PPIE: variants seen among roughly 807,000 people sequenced by gnomAD.
PPIE encodes peptidylprolyl isomerase E.
Under a neutral mutation model 38.4 loss-of-function variants are expected in PPIE, and 20 were observed. The ratio of observed to expected loss-of-function variants is 0.52; its 90% CI spans 0.37 to 0.76. The LOEUF (loss-of-function observed/expected upper bound fraction) is 0.76, where lower values mean the gene tolerates loss of function less well. PPIE is among the 30% of genes least tolerant of loss of function. The probability of loss-of-function intolerance (pLI) is 0.00; values close to 1 mark genes in which losing one functional copy is unlikely to be tolerated. For synonymous variants in PPIE, 142 were observed against 135.7 expected (o/e 1.05, Z -0.32); for missense variants, 322 against 385.8 (o/e 0.83, Z 1.39).
chr1:39,763,397 C>CCGGCCCTCCCCAGCCGGCCCTCCCCAGA (rs1294004126), intron 9 of PPIE, among the ~76,000 whole-genome samples: 1 of 145,096 alleles, frequency 6.9e-6, no homozygotes, highest in Non-Finnish European at 1.5e-5. Context: ...CCCTCCCCAG[C>CCGGCCCTCCCCAGCCGGCCCTCCCCAGA]CGGCCCTCCC....
chr1:39,760,463 G>T (rs138043926), downstream of PPIE: 4 of 1,614,054 alleles, frequency 2.5e-6, no homozygotes, highest in Non-Finnish European at 3.4e-6. Context: ...CGGTGCTTGC[G>T]CAGGATGACA....
intron 4 of PPIE, 77 bp downstream of exon 4, chr1:39,741,998 C>G (rs1647070332): frequency 2.0e-6 from 3 of 1,509,148 alleles, no homozygotes; most frequent in Non-Finnish European, 2.8e-6. Context: ...TATCAGTGTT[C>G]TGGACTTCCA....
intron 9 of PPIE, among the ~76,000 whole-genome samples, chr1:39,763,527 C>A (rs1313732617): frequency 2.8e-5 from 4 of 143,578 alleles, no homozygotes; most frequent in African/African-American, 5.3e-5. Context: ...TTAAAAAAAA[C>A]AAAAAACTGA....
Position 39,753,822 on chromosome 1 carries a change from C to T in PPIE, c.*467C>T. On this transcript the variant is annotated 3_prime_UTR_variant, in exon 10 of 10. Transcript: ENST00000324379. ...TCTTTTTCACAGCTTTCATTTCCTC[C>T]CTTGGGCCGATCCCCTTAGATGTCA... 2.0e-6 allele frequency: 2 copies of T among 993,218 alleles called. No individual in the cohort carries two copies. The highest frequency in any genetic ancestry group is 1.2e-6 in the Non-Finnish European group (1 of 834,832). The allele number at this position is 993,218 out of a possible 1,614,324, so 61.5% of individuals were successfully genotyped here. A position where few individuals can be genotyped will look rare whatever the true frequency, so the allele number is the denominator to read the frequency against.
intron 1 of PPIE, among the ~76,000 whole-genome samples, chr1:39,739,773 A>G (rs1470625731): frequency 6.6e-6 from 1 of 152,190 alleles, no homozygotes; most frequent in Admixed American, 6.5e-5. Context: ...AAAGCAAAAA[A>G]GCTGGAGAGG....
chr1:39,740,140 C>T (rs1348745724), intron 1 of PPIE, 25 bp from the exon 2 acceptor site: 1 of 1,596,650 alleles, frequency 6.3e-7, no homozygotes, highest in South Asian at 1.1e-5. Flanking sequence ...ATCAGTGGCT[C>T]AGAAGGCCCT....
At chr1:39,747,455 C>CTTTTTTTTTTTTTT (rs35755213) in intron 7 of PPIE, 1 of 72,972 alleles carries the variant, frequency 1.4e-5, no homozygotes, top group Non-Finnish European at 2.5e-5. Context: ...CACATCTTCT[C>CTTTTTTTTTTTTTT]TTTTTTTTTT....
intron 1 of PPIE, chr1:39,739,173 C>T: frequency 2.4e-6 from 1 of 415,038 alleles, no homozygotes; most frequent in Non-Finnish European, 4.2e-6. Flanking sequence ...TGCTTTGCTT[C>T]CCGATTCGCT....
At chr1:39,762,393 G>A in intron 9 of PPIE, 1 of 1,270,684 alleles carries the variant, frequency 7.9e-7, no homozygotes, top group Non-Finnish European at 1.1e-6. Flanking sequence ...GCAATACCAG[G>A]AACTGGGATT....
chr1:39,739,448 C>A (rs1376131363), intron 1 of PPIE, among the ~76,000 whole-genome samples: 1 of 135,758 alleles, frequency 7.4e-6, no homozygotes, highest in East Asian at 2.1e-4. Flanking sequence ...AGCCCCAGCC[C>A]CTGCCATAAA....
In PPIE at chr1:39,756,514, G is replaced by C; in HGVS notation, c.*3159G>C. Reference sequence around the variant, plus strand: ...AACAGCATGACAGCCGCCTCCAGGTGCTCCCAGCATCTGTTGCAGTCATGG... The same window carrying C: ...AACAGCATGACAGCCGCCTCCAGGTCCTCCCAGCATCTGTTGCAGTCATGG... On this transcript the variant is annotated 3_prime_UTR_variant, in exon 10 of 10. Transcript: ENST00000324379. 1 of 985,418 alleles carries C rather than the reference G, an allele frequency of 1.0e-6. No individual in the cohort carries two copies. Among genetic ancestry groups the C allele is most frequent in the Non-Finnish European group, 1.2e-6 (1 of 829,942 alleles). The allele number at this position is 985,418 out of a possible 1,614,324, so 61.0% of individuals were successfully genotyped here. A position where few individuals can be genotyped will look rare whatever the true frequency, so the allele number is the denominator to read the frequency against.
At chr1:39,744,017 A>G (rs536516426) in intron 6 of PPIE, 93 bp downstream of exon 6, 381 of 757,804 alleles carry the variant, frequency 5.0e-4, no homozygotes, top group East Asian at 4.0e-3. Flanking sequence ...GCCAATATGT[A>G]TATCAAAGTG....
At chr1:39,744,343 C>G (rs567217364) in intron 6 of PPIE, among the ~76,000 whole-genome samples, 3 of 152,194 alleles carry the variant, frequency 2.0e-5, no homozygotes, top group Non-Finnish European at 4.4e-5. Flanking sequence ...GTGTCCCTTC[C>G]TTCAACCTGT....
rs1255901065 is a variant in PPIE, at chr1:39,756,012, C to G, written c.*2657C>G. On this transcript the variant is annotated 3_prime_UTR_variant, in exon 10 of 10. Coordinates refer to ENST00000324379, the MANE Select transcript of PPIE (RefSeq NM_006112.4). ...CCTGGGGAGTGACACAGTCATGGTC[C>G]CCATGATTGGCCAGGACCTGTGTGG... The G allele has an allele frequency of 4.1e-6, 4 of 985,258 alleles. No individual in the cohort carries two copies. The highest frequency in any genetic ancestry group is 1.7e-5 in the African/African-American group (1 of 57,216). The allele number at this position is 985,258 out of a possible 1,614,324, so 61.0% of individuals were successfully genotyped here. A position where few individuals can be genotyped will look rare whatever the true frequency, so the allele number is the denominator to read the frequency against.
At chr1:39,741,642 A>G (rs1647060243) in intron 3 of PPIE, 2 of 623,950 alleles carry the variant, frequency 3.2e-6, no homozygotes, top group South Asian at 4.0e-5. Context: ...GAGCTAGCTC[A>G]TGCACCCCTG....
downstream of PPIE, chr1:39,760,404 G>A: frequency 6.2e-7 from 1 of 1,613,174 alleles, no homozygotes. Flanking sequence ...CTGCAGCTGG[G>A]CCGGGCGGGT....
At chr1:39,762,588 G>C (rs531476516) in intron 9 of PPIE, 1 of 1,549,372 alleles carries the variant, frequency 6.5e-7, no homozygotes, top group Non-Finnish European at 8.7e-7. Flanking sequence ...AGAGAAACTG[G>C]GGGAAAAGCC....
At position 39,755,957 on chromosome 1, in the gene PPIE, G is replaced by A. The variant is rs569205249; in HGVS notation, c.*2602G>A. 3 of 985,394 alleles carry A rather than the reference G, an allele frequency of 3.0e-6. No individual in the cohort carries two copies. Among genetic ancestry groups the A allele is most frequent in the East Asian group, 2.3e-4 (2 of 8,816 alleles). 61.0% of individuals were successfully genotyped at this position (985,394 alleles called of 1,614,324 possible). On this transcript the variant is annotated 3_prime_UTR_variant, in exon 10 of 10. Transcript: ENST00000324379. ...GTCCTGGGAGGTTTACTAGGCTTTA[G>A]CCTCAATCTGTGGCGGCAGGGTCCA... is the stretch of plus-strand genomic sequence containing the variant.
chr1:39,752,604 G>T (rs987116074), intron 8 of PPIE, among the ~76,000 whole-genome samples: 1 of 152,184 alleles, frequency 6.6e-6, no homozygotes, highest in Admixed American at 6.5e-5. Flanking sequence ...CTCCACCAGA[G>T]CTTGGACTAT....
Sources: gnomAD v4.1 joint callset for allele counts (sites outside exome capture counted in the v4.1 genomes callset) on GRCh38, gnomAD v4.1.1 for gene constraint, MANE v1.5 for transcripts, NCBI Gene and HGNC (gene_info 2026-07-23, HGNC 2026-07-21) for gene names.